PER3: variants seen among roughly 807,000 people sequenced by gnomAD.
The protein encoded by PER3 is period circadian protein homolog 3.
Under a neutral mutation model 127.2 loss-of-function variants are expected in PER3, and 107 were observed. That is an observed-to-expected ratio of 0.84 (90% CI 0.72 to 0.99). The LOEUF (loss-of-function observed/expected upper bound fraction) is 0.99, where lower values mean the gene tolerates loss of function less well. PER3 is among the 50% of genes least tolerant of loss of function. PER3 has a pLI of 0.00. For missense variants in PER3, 1,560 were observed against 1,525.8 expected, an observed-to-expected ratio of 1.02 and a Z score of -0.37; for synonymous variants, 618 against 585.8, an observed-to-expected ratio of 1.05 and a Z score of -0.79.
chr1:7,801,924 CAG>C (rs993094511), intron 8 of PER3, among the ~76,000 whole-genome samples: 9 of 152,046 alleles, frequency 5.9e-5, no homozygotes, highest in African/African-American at 2.2e-4. Flanking sequence ...GCAAAAATGT[CAG>C]AAACATTTTC....
intron 20 of PER3, 55 bp from the exon 21 acceptor site, chr1:7,836,944 A>C: frequency 6.9e-7 from 1 of 1,449,510 alleles, no homozygotes; most frequent in Non-Finnish European, 9.5e-7. Flanking sequence ...AGATGACGGG[A>C]AAAGAACCCT....
At chr1:7,797,875 GTGA>G (rs2097153009) in intron 6 of PER3, among the ~76,000 whole-genome samples, 1 of 152,162 alleles carries the variant, frequency 6.6e-6, no homozygotes, top group Non-Finnish European at 1.5e-5. Flanking sequence ...GTAACACCGG[GTGA>G]TGATATTTGA....
intron 19 of PER3, among the ~76,000 whole-genome samples, chr1:7,832,476 C>T (rs145081060): frequency 9.0e-4 from 133 of 147,860 alleles, no homozygotes; most frequent in African/African-American, 3.1e-3. Flanking sequence ...CAGGATCAAG[C>T]GATTCTCCTG....
chr1:7,842,880 T>G lies in PER3; in HGVS notation c.*125T>G. 4.5e-6 allele frequency: 3 copies of G among 664,370 alleles called. No individual in the cohort carries two copies. The highest frequency in any genetic ancestry group is 7.3e-6 in the Non-Finnish European group (3 of 413,366). 41.2% of individuals were successfully genotyped at this position (664,370 alleles called of 1,614,324 possible). A position where few individuals can be genotyped will look rare whatever the true frequency, so the allele number is the denominator to read the frequency against. The stretch of plus-strand genomic sequence containing the variant: ...AATGTTAAGATTTTTTCTTCTTGAT[T>G]TTTTAATACACGTAATCTTTTTGAA... On this transcript the variant is annotated 3_prime_UTR_variant, in exon 22 of 22. Coordinates refer to ENST00000377532, the MANE Select transcript of PER3 (RefSeq NM_001377275.1).
Position 7,798,523 on chromosome 1 carries a change from A to G in PER3, c.645-2A>G. ...CAGCACTAATATCTTTAATCTCCTC[A>G]GTGGAGGTGAAGACAGAAAGCAAGA... On this transcript the variant is annotated splice_acceptor_variant, in intron 6 of 21. Coordinates refer to ENST00000377532, the MANE Select transcript of PER3 (RefSeq NM_001377275.1). LOFTEE classifies it high-confidence loss of function. The G allele has an allele frequency of 1.2e-6, 2 of 1,612,672 alleles. No individual in the cohort carries two copies. Among genetic ancestry groups the G allele is most frequent in the Non-Finnish European group, 1.7e-6 (2 of 1,178,856 alleles).
chr1:7,798,545 A>G lies in PER3; in HGVS notation c.665A>G (p.Gln222Arg), dbSNP rs2097156009. 1.2e-6 allele frequency: 2 copies of G among 1,613,856 alleles called. No homozygotes were observed. Among genetic ancestry groups the G allele is most frequent in the African/African-American group, 2.7e-5 (2 of 75,054 alleles). ...CRIRGGEDRK[Q>R]EKCHSPFRII... is the part of the protein sequence containing the mutation. ...CTCAGTGGAGGTGAAGACAGAAAGC[A>G]AGAGAAGTGTCACTCCCCATTCCGG... The change falls in exon 7 of 22, where the codon CAA becomes CGA. Residue 222 changes from glutamine (Q) to arginine (R), a missense_variant. By Grantham distance (43) the Gln-to-Arg change is conservative. This residue lies in a region of PER3 where 1,332 missense variants were observed against 1,223.6 expected (regional missense o/e 1.09). Coordinates refer to ENST00000377532, the MANE Select transcript of PER3 (RefSeq NM_001377275.1).
chr1:7,804,299 G>GTTTCTTTC (rs779364212), intron 10 of PER3, among the ~76,000 whole-genome samples: 2 of 139,912 alleles, frequency 1.4e-5, no homozygotes, highest in Admixed American at 7.2e-5. Flanking sequence ...ACCTACAAGT[G>GTTTCTTTC]TTTCTTTCTT....
chr1:7,842,939 GT>G lies in PER3; in HGVS notation c.*186del. ...TGTATACAGAATCTTACTTCTCTTT[GT>G]TCCTGATATATTAAAATGGCCAGTT... On this transcript the variant is annotated 3_prime_UTR_variant, in exon 22 of 22. Coordinates refer to ENST00000377532, the MANE Select transcript of PER3 (RefSeq NM_001377275.1). The G allele has an allele frequency of 5.1e-6, 2 of 392,284 alleles. No individual in the cohort carries two copies. Among genetic ancestry groups the G allele is most frequent in the South Asian group, 1.1e-4 (2 of 17,678 alleles). 24.3% of individuals were successfully genotyped at this position (392,284 alleles called of 1,614,324 possible).
At chr1:7,802,750 C>A (rs531050269) in intron 8 of PER3, among the ~76,000 whole-genome samples, 5 of 152,136 alleles carry the variant, frequency 3.3e-5, no homozygotes, top group Admixed American at 6.5e-5. Context: ...AGACAGATGC[C>A]TGGTCTTATT....
chr1:7,785,092 T>G, intron 2 of PER3, 87 bp downstream of exon 2: 1 of 1,437,308 alleles, frequency 7.0e-7, no homozygotes, highest in Non-Finnish European at 9.4e-7. Context: ...CTTTTTATTC[T>G]TTTGTTTTCA....
At chr1:7,811,403 A>G (rs1353051725) in intron 13 of PER3, 1 of 149,060 alleles carries the variant, frequency 6.7e-6, no homozygotes, top group Non-Finnish European at 1.5e-5. Flanking sequence ...CAGAGGTGAC[A>G]TCACTGGGAA....
intron 7 of PER3, among the ~76,000 whole-genome samples, chr1:7,799,282 G>A (rs1297624401): frequency 2.6e-5 from 4 of 152,078 alleles, no homozygotes; most frequent in African/African-American, 4.8e-5. Context: ...GCTTAGTTGC[G>A]TATTAAAAAT....
At chr1:7,819,216 G>A in intron 13 of PER3, 69 bp from the exon 14 acceptor site, 1 of 1,368,416 alleles carries the variant, frequency 7.3e-7, no homozygotes, top group Non-Finnish European at 1.0e-6. Context: ...TTTAATTTTG[G>A]TAAGAAAGTA....
At chr1:7,811,551 A>G (rs758276144) in intron 13 of PER3, 7 of 152,330 alleles carry the variant, frequency 4.6e-5, no homozygotes, top group African/African-American at 9.6e-5. Flanking sequence ...AGCGAGGGCC[A>G]GGTCTGTGCT....
At chr1:7,801,458 T>C (rs554775356) in intron 8 of PER3, among the ~76,000 whole-genome samples, 3 of 152,304 alleles carry the variant, frequency 2.0e-5, no homozygotes, top group African/African-American at 7.2e-5. Context: ...GAGAAGACAA[T>C]GAACCCACCG....
intron 6 of PER3, among the ~76,000 whole-genome samples, chr1:7,795,563 A>G (rs1010512102): frequency 1.1e-4 from 16 of 152,326 alleles, no homozygotes; most frequent in African/African-American, 3.8e-4. Flanking sequence ...TTCCAGGCAG[A>G]GGGAGCAGCA....
intron 10 of PER3, among the ~76,000 whole-genome samples, chr1:7,807,248 C>G (rs1234473948): frequency 6.6e-6 from 1 of 152,172 alleles, no homozygotes; most frequent in Non-Finnish European, 1.5e-5. Flanking sequence ...CTGCTTGCCA[C>G]AGACATATGG....
intron 13 of PER3, among the ~76,000 whole-genome samples, chr1:7,816,437 A>G (rs1304214050): frequency 6.6e-6 from 1 of 152,202 alleles, no homozygotes; most frequent in Non-Finnish European, 1.5e-5. Context: ...GACAAATGAA[A>G]AGACAAAATA....
rs1204496506 is a variant in PER3, at chr1:7,788,067, C to T, written c.413C>T (p.Ser138Leu). The T allele has an allele frequency of 6.2e-7, 1 of 1,612,258 alleles. No homozygotes were observed. Among genetic ancestry groups the T allele is most frequent in the East Asian group, 2.2e-5 (1 of 44,878 alleles). The part of the protein sequence containing the change: ...KNTDTFVAVF[S>L]FLSGRLVHIS... ...TAGGATACCTTTGTGGCAGTATTTTCATTTCTGTCTGGAAGGTTAGTGCAC... is the reference window on the plus strand; with the variant it reads ...TAGGATACCTTTGTGGCAGTATTTTTATTTCTGTCTGGAAGGTTAGTGCAC... Residue 138 changes from serine to leucine, a missense_variant, in exon 5 of 22, where the codon TCA (serine) becomes TTA (leucine). By Grantham distance (145) the Ser-to-Leu change is moderately radical. Coordinates refer to ENST00000377532, the MANE Select transcript of PER3 (RefSeq NM_001377275.1).
Sources: allele counts gnomAD v4.1 joint callset (sites outside exome capture counted in the v4.1 genomes callset), GRCh38; gene constraint gnomAD v4.1.1; regional missense constraint gnomAD v4.1.1; transcripts MANE v1.5; gene names NCBI Gene and HGNC (gene_info 2026-07-23, HGNC 2026-07-21).